Variants in PPDPFL observed in about 807,000 individuals in gnomAD.
PPDPFL encodes the protein pancreatic progenitor cell differentiation and proliferation factor-like protein.
PPDPFL carries 12 observed loss-of-function variants against 12.6 expected under a neutral mutation model. The ratio of observed to expected loss-of-function variants is 0.95; its 90% CI spans 0.61 to 1.54. The LOEUF is 1.54. PPDPFL is among the 40% of genes most tolerant of loss of function. The pLI, the probability that PPDPFL is intolerant of heterozygous loss-of-function variation, is 0.00. For missense variants in PPDPFL, 114 were observed against 96.0 expected (o/e 1.19, Z -0.78); for synonymous variants, 24 against 32.7 (o/e 0.73, Z 0.91).
intron 1 of PPDPFL, among the ~76,000 whole-genome samples, chr8:49,057,135 A>G (rs1265043816): frequency 6.6e-6 from 1 of 152,198 alleles, no homozygotes; most frequent in Non-Finnish European, 1.5e-5. Flanking sequence ...TGTACCCTAA[A>G]ATGACAGGCT....
At chr8:49,061,535 G>T (rs1419866275) in intron 1 of PPDPFL, among the ~76,000 whole-genome samples, 2 of 152,186 alleles carry the variant, frequency 1.3e-5, no homozygotes, top group South Asian at 2.1e-4. Context: ...GGTGGAAGGG[G>T]CTGCTTTAGT....
At chr8:49,075,018 TA>T (rs1808467817) in intron 4 of PPDPFL, 133 bp from the exon 5 acceptor site, 1 of 1,421,468 alleles carries the variant, frequency 7.0e-7, no homozygotes, top group Non-Finnish European at 9.4e-7. Flanking sequence ...AAAGTATTTT[TA>T]AAAGCCAATG....
intron 4 of PPDPFL, chr8:49,074,665 A>T: frequency 6.6e-7 from 1 of 1,514,900 alleles, no homozygotes. Context: ...CAGGAAAAGA[A>T]TAACCATTGT....
intron 2 of PPDPFL, 120 bp downstream of exon 2, chr8:49,073,005 C>T (rs1808420548): frequency 2.2e-6 from 2 of 912,326 alleles, no homozygotes; most frequent in South Asian, 3.2e-5. Flanking sequence ...CTATTGGTGA[C>T]AATGAAGAAA....
At chr8:49,057,077 T>C (rs540116731) in intron 1 of PPDPFL, among the ~76,000 whole-genome samples, 1 of 152,322 alleles carries the variant, frequency 6.6e-6, no homozygotes, top group African/African-American at 2.4e-5. Flanking sequence ...CTTCCCTTAA[T>C]TTTTTGAAAG....
At chr8:49,064,718 T>C (rs1323398351) in intron 1 of PPDPFL, among the ~76,000 whole-genome samples, 2 of 152,192 alleles carry the variant, frequency 1.3e-5, no homozygotes, top group Non-Finnish European at 2.9e-5. Flanking sequence ...CCTGAGTTCC[T>C]ACAGTCAGAT....
At chr8:49,073,305 C>G (rs1348724927) in intron 2 of PPDPFL, among the ~76,000 whole-genome samples, 1 of 152,190 alleles carries the variant, frequency 6.6e-6, no homozygotes, top group African/African-American at 2.4e-5. Context: ...CAACTTCTAT[C>G]TGGCCAGTTT....
chr8:49,065,519 A>T (rs1487187097), intron 1 of PPDPFL, among the ~76,000 whole-genome samples: 4 of 152,230 alleles, frequency 2.6e-5, no homozygotes, highest in African/African-American at 9.6e-5. Flanking sequence ...GTGTTTTCAT[A>T]TTTGCATGAT....
exon 1 of PPDPFL, chr8:49,054,352 A>G (rs1314307570): frequency 1.3e-5 from 2 of 152,212 alleles, no homozygotes; most frequent in Non-Finnish European, 2.9e-5. Flanking sequence ...CTGATGATTC[A>G]CTTCTACTTA....
chr8:49,066,749 G>T (rs1030794816), intron 1 of PPDPFL, among the ~76,000 whole-genome samples: 1 of 152,144 alleles, frequency 6.6e-6, no homozygotes. Flanking sequence ...GATTTGGGGT[G>T]CCCACTGGAT....
At position 49,075,578 on chromosome 8, in the gene PPDPFL, T is replaced by G; in HGVS notation, c.*405T>G. On this transcript the variant is annotated 3_prime_UTR_variant, in exon 5 of 5. Transcript: ENST00000522267. ...TCTTTCATTTTTTATATCATTTTTA[T>G]TAAAAAAACTTAAGTTAGACTCTTT... The G allele has an allele frequency of 3.1e-6, 1 of 322,564 alleles. No homozygotes were observed. The highest frequency in any genetic ancestry group is 2.1e-5 in the African/African-American group (1 of 47,398). 20.0% of individuals were successfully genotyped at this position (322,564 alleles called of 1,614,324 possible).
chr8:49,069,729 G>A (rs1247881780), upstream of PPDPFL, among the ~76,000 whole-genome samples: 1 of 152,192 alleles, frequency 6.6e-6, no homozygotes, highest in African/African-American at 2.4e-5. Flanking sequence ...AAGGTCAGGA[G>A]CTGGAGACCA....
At chr8:49,064,841 G>A (rs1391370805) in intron 1 of PPDPFL, among the ~76,000 whole-genome samples, 1 of 152,032 alleles carries the variant, frequency 6.6e-6, no homozygotes, top group Non-Finnish European at 1.5e-5. Flanking sequence ...ATAGATCGGG[G>A]GAAAATGGTG....
In PPDPFL at chr8:49,063,348, C is replaced by A. The variant is rs1289396001; in HGVS notation, c.-45+8979C>A. Among the ~76,000 whole-genome samples the A allele has an allele frequency of 9.2e-5, 14 of 152,172 alleles. 1 individual carries two copies. The highest frequency in any genetic ancestry group is 1.5e-5 in the Non-Finnish European group (1 of 68,046). On this transcript the variant is annotated intron_variant, in intron 1 of 4. Coordinates refer to the PPDPFL transcript ENST00000517663. ...CTTCTCCCTGTCCTTCCACCTGCCC[C>A]ATGTCATAGCCAAGATAGTAAATGT... is the stretch of plus-strand genomic sequence containing the variant.
chr8:49,055,387 C>T (rs750068720), intron 1 of PPDPFL, among the ~76,000 whole-genome samples: 1 of 152,088 alleles, frequency 6.6e-6, no homozygotes, highest in South Asian at 2.1e-4. Flanking sequence ...ATAATTTCTG[C>T]TACTGCACTA....
chr8:49,065,164 A>G (rs910232628), intron 1 of PPDPFL, among the ~76,000 whole-genome samples: 1 of 152,172 alleles, frequency 6.6e-6, no homozygotes, highest in Non-Finnish European at 1.5e-5. Context: ...AAAACAAAAA[A>G]CAAGTGCAGC....
In PPDPFL at chr8:49,075,504, C is replaced by A. The variant is rs1309783581; in HGVS notation, c.*331C>A. On this transcript the variant is annotated 3_prime_UTR_variant, in exon 5 of 5. Transcript: ENST00000522267. ...AAAGTGTGCCTTTAGAAACAAGACACCCTTTTAAAGTAATATGTCTTCAAA... is the reference window on the plus strand; with the variant it reads ...AAAGTGTGCCTTTAGAAACAAGACAACCTTTTAAAGTAATATGTCTTCAAA... 1 of 570,134 alleles carries A rather than the reference C, an allele frequency of 1.8e-6. No individual in the cohort carries two copies. Among genetic ancestry groups the A allele is most frequent in the Non-Finnish European group, 3.1e-6 (1 of 320,230 alleles). The allele number at this position is 570,134 out of a possible 1,614,324, so 35.3% of individuals were successfully genotyped here.
At position 49,064,227 on chromosome 8, in the gene PPDPFL, C is replaced by A. The variant is rs560232000; in HGVS notation, c.-44-8560C>A. ...GAACTGCACCTTTCCCACACATGCA[C>A]CCACAGCTTACAAAAGATGTGTGAC... On this transcript the variant is annotated intron_variant, in intron 1 of 4. Transcript: ENST00000517663. Among the ~76,000 whole-genome samples the A allele has an allele frequency of 1.3e-4, 20 of 152,216 alleles. 1 individual carries two copies. The highest frequency in any genetic ancestry group is 4.8e-4 in the African/African-American group (20 of 41,520).
upstream of PPDPFL, among the ~76,000 whole-genome samples, chr8:49,071,052 G>A (rs1192139220): frequency 1.3e-5 from 2 of 152,194 alleles, no homozygotes; most frequent in African/African-American, 2.4e-5. Context: ...TCCCTGCCTC[G>A]GGTAATCACT....
Sources: gnomAD v4.1 joint callset for allele counts (sites outside exome capture counted in the v4.1 genomes callset) on GRCh38, gnomAD v4.1.1 for gene constraint, MANE v1.5 for transcripts, NCBI Gene and HGNC (gene_info 2026-07-23, HGNC 2026-07-21) for gene names.